TMEM40: variants seen among roughly 807,000 people sequenced by gnomAD.
The protein encoded by TMEM40 is transmembrane protein 40.
In TMEM40, 34 loss-of-function variants were observed where a neutral mutation model predicts 40.8. The observed-to-expected ratio is 0.83, with a 90% CI of 0.63 to 1.11. The LOEUF (loss-of-function observed/expected upper bound fraction) is 1.11. Ranked by LOEUF, TMEM40 falls within the 50% of genes least tolerant of loss-of-function variation. TMEM40 has a pLI of 0.00. For missense variants in TMEM40, 296 were observed against 280.2 expected (o/e 1.06, Z -0.40); for synonymous variants, 106 against 107.0 (o/e 0.99, Z 0.06).
rs1251196953 is a variant in TMEM40, at chr3:12,755,223, C to T, written c.-9+3968G>A. Among the ~76,000 whole-genome samples the T allele has an allele frequency of 1.1e-3, 98 of 85,764 alleles. 1 individual carries two copies. The highest frequency in any genetic ancestry group is 6.6e-3 in the African/African-American group (92 of 13,890). The allele number at this position is 85,764 out of a possible 152,430, so 56.3% of individuals were successfully genotyped here. ...CCTTTCTTTCTTTCTTTCTCTCTCT[C>T]TCTCTCTCTCTCTTTCTTTCTTTCT... On this transcript the variant is annotated intron_variant, in intron 1 of 11. Transcript: ENST00000314124.
chr3:12,764,772 C>T (rs974785105), intron 1 of TMEM40, among the ~76,000 whole-genome samples: 2 of 152,174 alleles, frequency 1.3e-5, no homozygotes, highest in Non-Finnish European at 2.9e-5. Context: ...TGTGTCCCTG[C>T]ACCTACTTTA....
intron 6 of TMEM40, among the ~76,000 whole-genome samples, 182 bp from the exon 7 acceptor site, chr3:12,738,350 C>T (rs923487385): frequency 1.3e-5 from 2 of 152,206 alleles, no homozygotes; most frequent in African/African-American, 4.8e-5. Flanking sequence ...CTTGCTGGGA[C>T]AGCCTTCCAA....
At chr3:12,748,548 A>ACC in intron 3 of TMEM40, 107 bp downstream of exon 3, 1 of 1,438,884 alleles carries the variant, frequency 6.9e-7, no homozygotes, top group Non-Finnish European at 9.3e-7. Context: ...ATGTGGAGAA[A>ACC]CGGTATTGGA....
chr3:12,736,853 G>C lies in TMEM40; in HGVS notation c.473-18C>G. The stretch of plus-strand genomic sequence containing the variant: ...AAACTCATCTGTGAAGGCAGGGGTG[G>C]GCAATCACTATCTGCTGCTTTCTCT... On this transcript the variant is annotated intron_variant, in intron 8 of 11. Coordinates refer to ENST00000314124, the MANE Select transcript of TMEM40 (RefSeq NM_018306.4). 6.2e-7 allele frequency: 1 copy of C among 1,614,082 alleles called. No individual in the cohort carries two copies.
intron 1 of TMEM40, among the ~76,000 whole-genome samples, chr3:12,765,881 G>C (rs2106625140): frequency 6.7e-6 from 1 of 149,562 alleles, no homozygotes; most frequent in African/African-American, 2.5e-5. Context: ...TCTGAGACAT[G>C]GTCTTGCACT....
At chr3:12,738,820 T>G in intron 5 of TMEM40, 2 of 500,030 alleles carry the variant, frequency 4.0e-6, no homozygotes, top group Non-Finnish European at 7.3e-6. Context: ...GTCTGTCAAT[T>G]TCCCCAGAGA....
intron 1 of TMEM40, among the ~76,000 whole-genome samples, chr3:12,766,461 G>A (rs142102107): frequency 0.011 from 1,655 of 151,988 alleles, 24 homozygotes; most frequent in African/African-American, 0.037. Flanking sequence ...CAGGCGTGGT[G>A]GCAGGTGCCT....
rs546671734 is a variant in TMEM40 at position 12,767,824 on chromosome 3, TC to T, written c.-9+1426del. 3.1e-3 allele frequency among the ~76,000 whole-genome samples: 478 copies of T among 152,254 alleles called. 3 individuals are homozygous for T. The highest frequency in any genetic ancestry group is 0.011 in the African/African-American group (463 of 41,556). On this transcript the variant is annotated intron_variant, in intron 1 of 11. Transcript: ENST00000264728. The stretch of plus-strand genomic sequence containing the variant: ...GAGGACCTACTGGGGCTAGTTTGTG[TC>T]CAGCATACAGCTGGAGCTTTTAGGG...
chr3:12,751,042 C>T (rs775201021), intron 1 of TMEM40, among the ~76,000 whole-genome samples: 3 of 151,926 alleles, frequency 2.0e-5, no homozygotes, highest in East Asian at 1.9e-4. Flanking sequence ...CCTCTTCTAG[C>T]GATGGAAGCA....
At chr3:12,734,869 C>T (rs1371576812) in intron 11 of TMEM40, 76 bp from the exon 12 acceptor site, 40 of 1,519,724 alleles carry the variant, frequency 2.6e-5, no homozygotes, top group Non-Finnish European at 3.5e-5. Flanking sequence ...ACCTCAGATG[C>T]CCAAGTACCC....
intron 1 of TMEM40, among the ~76,000 whole-genome samples, chr3:12,769,003 T>C (rs2061609304): frequency 6.6e-6 from 1 of 151,360 alleles, no homozygotes. Flanking sequence ...CAGGTCCTGA[T>C]CCCTGCCTCT....
chr3:12,760,647 T>C (rs2061563303), upstream of TMEM40, among the ~76,000 whole-genome samples: 1 of 152,238 alleles, frequency 6.6e-6, no homozygotes, highest in South Asian at 2.1e-4. Context: ...CTGCTCACCA[T>C]CTGCTGTGCT....
At position 12,749,769 on chromosome 3, in the gene TMEM40, C is replaced by T. The variant is rs2061458839; in HGVS notation, c.64G>A (p.Asp22Asn). ...GAGAAGGCAAACGTACAGTCTACAT[C>T]TTCTGTTTCTCTGTGGACTTGACTG... is the stretch of plus-strand genomic sequence containing the variant. ...DNSQVHRETE[D>N]VDYGETDFHK... Residue 22 changes from aspartate to asparagine, a missense_variant, in exon 2 of 12, where the codon GAT becomes AAT. Coordinates refer to ENST00000314124, the MANE Select transcript of TMEM40 (RefSeq NM_018306.4). 1.2e-6 allele frequency: 2 copies of T among 1,613,976 alleles called. No homozygotes were observed. Among genetic ancestry groups the T allele is most frequent in the African/African-American group, 1.3e-5 (1 of 74,922 alleles).
chr3:12,739,379 G>A (rs1471531740), intron 5 of TMEM40, among the ~76,000 whole-genome samples: 2 of 151,908 alleles, frequency 1.3e-5, no homozygotes, highest in African/African-American at 4.8e-5. Context: ...CCGCCTCCCG[G>A]GTTCATGCCA....
chr3:12,740,483 C>G (rs151333404), intron 5 of TMEM40, among the ~76,000 whole-genome samples: 1 of 147,106 alleles, frequency 6.8e-6, no homozygotes. Flanking sequence ...GGGTGGATCA[C>G]GAGTTCAGGA....
intron 1 of TMEM40, among the ~76,000 whole-genome samples, chr3:12,750,165 G>A (rs1044179336): frequency 4.6e-5 from 7 of 150,580 alleles, no homozygotes; most frequent in African/African-American, 1.7e-4. Context: ...TGTGGAAACA[G>A]GGTGTCTCTA....
In TMEM40 at chr3:12,755,218, TCTCTCTCTCTCTCTC is replaced by T. The variant is rs1559533249; in HGVS notation, c.-9+3958_-9+3972del. Reference sequence around the variant, plus strand: ...TCCTTCCTTTCTTTCTTTCTTTCTCTCTCTCTCTCTCTCTCTCTTTCTTTCTTTCTTTCTTTCTTT... The same window carrying T: ...TCCTTCCTTTCTTTCTTTCTTTCTCTTCTTTCTTTCTTTCTTTCTTTCTTT... On this transcript the variant is annotated intron_variant, in intron 1 of 11. Coordinates refer to ENST00000314124, the MANE Select transcript of TMEM40 (RefSeq NM_018306.4). Among the ~76,000 whole-genome samples the T allele has an allele frequency of 4.4e-4, 34 of 76,886 alleles. 1 individual carries two copies. Among genetic ancestry groups the T allele is most frequent in the Middle Eastern group, 5.4e-3 (1 of 184 alleles). 50.4% of individuals were successfully genotyped at this position (76,886 alleles called of 152,430 possible). A position where few individuals can be genotyped will look rare whatever the true frequency, so the allele number is the denominator to read the frequency against.
At chr3:12,738,010 A>T in intron 7 of TMEM40, 126 bp downstream of exon 7, 1 of 1,232,544 alleles carries the variant, frequency 8.1e-7, no homozygotes, top group Non-Finnish European at 1.2e-6. Flanking sequence ...TCTGAATCAT[A>T]GTGACACTGG....
intron 5 of TMEM40, 75 bp from the exon 6 acceptor site, chr3:12,738,663 G>A (rs2061357401): frequency 6.6e-7 from 1 of 1,512,314 alleles, no homozygotes; most frequent in Admixed American, 1.7e-5. Flanking sequence ...CAGGGAAGGT[G>A]GATCCTGCTC....
Sources: gnomAD v4.1 joint callset for allele counts (sites outside exome capture counted in the v4.1 genomes callset) on GRCh38, gnomAD v4.1.1 for gene constraint, MANE v1.5 for transcripts, NCBI Gene and HGNC (gene_info 2026-07-23, HGNC 2026-07-21) for gene names.